TTN: variants seen among roughly 807,000 people sequenced by gnomAD.
TTN encodes the protein titin.
TTN carries 1,525 observed loss-of-function variants against 3,223.0 expected under a neutral mutation model. That is an observed-to-expected ratio of 0.47 (90% confidence interval 0.45 to 0.49). TTN has a LOEUF of 0.49. Ranked by LOEUF, TTN falls within the 20% of genes least tolerant of loss-of-function variation. The pLI is 0.00. For missense variants in TTN, 40,786 were observed against 43,424.0 expected, an observed-to-expected ratio of 0.94 and a Z score of 5.40; for synonymous variants, 14,094 against 15,161.0, an observed-to-expected ratio of 0.93 and a Z score of 5.17.
rs2067758061 is a variant in TTN, at chr2:178,675,120, A to G, written c.34538-7T>C. ...TTCTTAGGCACCTCAGGAACTTGAG[A>G]GACATTGATTATTTTAGACACTTAA... On this transcript the variant is annotated splice_region_variant and splice_polypyrimidine_tract_variant and intron_variant, in intron 149 of 362. Coordinates refer to ENST00000589042, the MANE Select transcript of TTN (RefSeq NM_001267550.2). 1.3e-6 allele frequency: 2 copies of G among 1,547,816 alleles called. No individual in the cohort carries two copies. The highest frequency in any genetic ancestry group is 2.8e-5 in the African/African-American group (2 of 70,734).
chr2:178,734,608 T>C lies in TTN; in HGVS notation c.15218-2A>G, dbSNP rs1004898711. Reference sequence around the variant, plus strand: ...GAGTTTTGATGAAAGAAGGAGGTTCTACAAAAGCATGAAAGCATTGTGTAA... The same window carrying C: ...GAGTTTTGATGAAAGAAGGAGGTTCCACAAAAGCATGAAAGCATTGTGTAA... On this transcript the variant is annotated splice_acceptor_variant, in intron 51 of 362. Transcript: ENST00000589042. LOFTEE classifies it high-confidence loss of function. 5 of 1,562,472 alleles carry C rather than the reference T, an allele frequency of 3.2e-6. No individual in the cohort carries two copies. The highest frequency in any genetic ancestry group is 4.3e-6 in the Non-Finnish European group (5 of 1,155,650).
chr2:178,774,662 T>A (rs1195696089), intron 29 of TTN, 189 bp from the exon 30 acceptor site: 1 of 703,578 alleles, frequency 1.4e-6, no homozygotes, highest in East Asian at 2.8e-5. Context: ...AATTTTTAAA[T>A]ATTTTTGAAA....
At chr2:178,795,274 T>C in intron 6 of TTN, 22 bp from the exon 7 acceptor site, 1 of 1,610,670 alleles carries the variant, frequency 6.2e-7, no homozygotes, top group Non-Finnish European at 8.5e-7. Context: ...AAGGCAGAGG[T>C]CAAGAATGTC....
At position 178,526,904 on chromosome 2, in the gene TTN, C is replaced by CA. The variant is rs1686626306; in HGVS notation, c.*107dup. 9.1e-7 allele frequency: 1 copy of CA among 1,102,130 alleles called. No individual in the cohort carries two copies. The highest frequency in any genetic ancestry group is 1.8e-5 in the African/African-American group (1 of 54,066). The allele number at this position is 1,102,130 out of a possible 1,614,324, so 68.3% of individuals were successfully genotyped here. ...GAACTTTGACTCATTTAGGTTGATA[C>CA]AAAACTACTTTTTTTTCTTTAAATA... is the stretch of plus-strand genomic sequence containing the variant. On this transcript the variant is annotated 3_prime_UTR_variant, in exon 363 of 363. Coordinates refer to ENST00000589042, the MANE Select transcript of TTN (RefSeq NM_001267550.2).
In TTN at chr2:178,536,970, A is replaced by T. The variant is rs1461056252; in HGVS notation, c.100139T>A (p.Val33380Glu). 3.1e-6 allele frequency: 5 copies of T among 1,613,236 alleles called. No homozygotes were observed. The highest frequency in any genetic ancestry group is 4.2e-6 in the Non-Finnish European group (5 of 1,179,502). Residue 33380 changes from valine to glutamate, a missense_variant, in exon 356 of 363, where the codon GTG (valine) becomes GAG (glutamate). Val to Glu is a moderately radical substitution (Grantham distance 121, BLOSUM62 -2). Transcript: ENST00000589042. ...NTFGISDPLE[V>E]SSVVIIKSPF... The stretch of plus-strand genomic sequence containing the variant: ...ACTCTTAATGATCACAACTGAGGAC[A>T]CTTCTAGAGGGTCACTGATGCCGAA...
At position 178,685,517 on chromosome 2, in the gene TTN, C is replaced by T. The variant is rs1424314036; in HGVS notation, c.32392+1G>A. 9.9e-6 allele frequency: 16 copies of T among 1,611,454 alleles called. No individual in the cohort carries two copies. Among genetic ancestry groups the T allele is most frequent in the Non-Finnish European group, 1.3e-5 (15 of 1,178,634 alleles). On this transcript the variant is annotated splice_donor_variant, in intron 128 of 362. Transcript: ENST00000589042. LOFTEE classifies it high-confidence loss of function. ...TAAAACTAATTAAAGAGTCAGCATA[C>T]CTTCAGCTGGCTCAGCTTCCACTCT...
At chr2:178,686,969 T>C (rs1010413600) in intron 127 of TTN, among the ~76,000 whole-genome samples, 1 of 152,248 alleles carries the variant, frequency 6.6e-6, no homozygotes, top group East Asian at 1.9e-4. Flanking sequence ...TCCTGACTTA[T>C]GTCCACCATC....
rs758414408 is a variant in TTN, at chr2:178,599,032, A to G, written c.56678T>C (p.Val18893Ala). The change falls in exon 291 of 363, where the codon GTT (valine) becomes GCT (alanine). Residue 18893 changes from valine (V) to alanine (A), a missense_variant. Transcript: ENST00000589042. Reference sequence around the variant, plus strand: ...CATGGAGTTACGAGTCACGCTGCTAACTGTTGGTTTATCTGGTGCTCCAGG... The same window carrying G: ...CATGGAGTTACGAGTCACGCTGCTAGCTGTTGGTTTATCTGGTGCTCCAGG... ...SVPGAPDKPT[V>A]SSVTRNSMTV... 1 of 1,583,748 alleles carries G rather than the reference A, an allele frequency of 6.3e-7. No individual in the cohort carries two copies. Among genetic ancestry groups the G allele is most frequent in the Non-Finnish European group, 8.6e-7 (1 of 1,165,004 alleles).
chr2:178,547,220 A>G lies in TTN; in HGVS notation c.94305T>C (p.Asp31435=). Residue 31435 remains aspartate, a synonymous_variant, in exon 340 of 363, where the codon GAT becomes GAC. Coordinates refer to ENST00000589042, the MANE Select transcript of TTN (RefSeq NM_001267550.2). ...AGTAGCCAATGATTTTACTGCCACCATCGTGGTAGGGTTCTTCCCAACGAA... is the reference window on the plus strand; with the variant it reads ...AGTAGCCAATGATTTTACTGCCACCGTCGTGGTAGGGTTCTTCCCAACGAA... ...MSIRWEEPYH[D]GGSKIIGYWV... is the part of the protein sequence containing the mutation. 6.2e-7 allele frequency: 1 copy of G among 1,613,834 alleles called. No homozygotes were observed. The highest frequency in any genetic ancestry group is 8.5e-7 in the Non-Finnish European group (1 of 1,179,766).
rs1422071853 is a variant in TTN at position 178,618,311 on chromosome 2, A to AACTC, written c.47143_47146dup (p.Phe15716Ter). 1 of 1,612,692 alleles carries AACTC rather than the reference A, an allele frequency of 6.2e-7. No homozygotes were observed. The highest frequency in any genetic ancestry group is 8.5e-7 in the Non-Finnish European group (1 of 1,179,154). On this transcript the variant is annotated stop_gained and frameshift_variant, in exon 252 of 363. Transcript: ENST00000589042. LOFTEE classifies it high-confidence loss of function. ...TCCTTTCTGTAGACCAGTGACAGTA[A>AACTC]ACTCACAACTCTCTGCACGGTCTGT... is the stretch of plus-strand genomic sequence containing the variant.
intron 281 of TTN, 48 bp downstream of exon 281, chr2:178,604,660 G>C (rs2154195117): frequency 6.6e-7 from 1 of 1,513,504 alleles, no homozygotes; most frequent in Non-Finnish European, 8.9e-7. Context: ...CATCAAACCA[G>C]AGTCATGTAC....
At position 178,693,940 on chromosome 2, in the gene TTN, C is replaced by G; in HGVS notation, c.31495G>C (p.Glu10499Gln). The G allele has an allele frequency of 1.2e-6, 2 of 1,613,088 alleles. No homozygotes were observed. The highest frequency in any genetic ancestry group is 1.7e-6 in the Non-Finnish European group (2 of 1,179,368). ...EKMFFASHTEEEVSVTVPEVQ... is the reference protein window; with the variant it reads ...EKMFFASHTEQEVSVTVPEVQ... ...CTTATACCTGTGACTGACACCTCCT[C>G]CTCTGTGTGAGAAGCAAAGAACATC... The change falls in exon 118 of 363, where the codon GAG (glutamate) becomes CAG (glutamine). Residue 10499 changes from glutamate (E) to glutamine (Q), a missense_variant. Coordinates refer to ENST00000589042, the MANE Select transcript of TTN (RefSeq NM_001267550.2).
rs775853884 is a variant in TTN, at chr2:178,553,734, C to T, written c.89271G>A (p.Lys29757=). The T allele has an allele frequency of 5.0e-6, 8 of 1,613,416 alleles. No homozygotes were observed. The highest frequency in any genetic ancestry group is 6.8e-6 in the Non-Finnish European group (8 of 1,179,590). The change falls in exon 334 of 363, where the codon AAG becomes AAA. Residue 29757 remains lysine, a synonymous_variant. Transcript: ENST00000589042. ...CAGCACTGCCCCCATCATAGACAGGCTTACTCCAGCCAAGGGTGATGGATG... is the reference window on the plus strand; with the variant it reads ...CAGCACTGCCCCCATCATAGACAGGTTTACTCCAGCCAAGGGTGATGGATG... ...TKSSITLGWS[K]PVYDGGSAVT...
Position 178,711,085 on chromosome 2 carries a change from G to A in TTN, c.28151C>T (p.Ser9384Phe), listed in dbSNP as rs760466007. Residue 9384 changes from serine to phenylalanine, a missense_variant, in exon 97 of 363, where the codon TCC becomes TTC. Coordinates refer to ENST00000589042, the MANE Select transcript of TTN (RefSeq NM_001267550.2). ...ACCTGTGAGAATGAGCCTGGCACTG[G>A]AAGAAGCAGAGCCTATAGGGTTTGT... ...TATNPIGSAS[S>F]SARLILTEGK... is the part of the protein sequence containing the mutation. The A allele has an allele frequency of 6.3e-7, 1 of 1,597,394 alleles. No homozygotes were observed. The highest frequency in any genetic ancestry group is 1.7e-5 in the Admixed American group (1 of 57,566).
At position 178,631,241 on chromosome 2, in the gene TTN, C is replaced by T. The variant is rs2154220273; in HGVS notation, c.43807G>A (p.Val14603Ile). 1.2e-6 allele frequency: 2 copies of T among 1,612,474 alleles called. No individual in the cohort carries two copies. Among genetic ancestry groups the T allele is most frequent in the East Asian group, 4.5e-5 (2 of 44,614 alleles). The change falls in exon 237 of 363, where the codon GTT (valine) becomes ATT (isoleucine). Residue 14603 changes from valine to isoleucine, a missense_variant. Coordinates refer to ENST00000589042, the MANE Select transcript of TTN (RefSeq NM_001267550.2). Reference sequence around the variant, plus strand: ...TTGCTAATTTCACACTGTAGAATAACTTCATCTTTCTCTACACCAGTATAA... The same window carrying T: ...TTGCTAATTTCACACTGTAGAATAATTTCATCTTTCTCTACACCAGTATAA... ...QDYTGVEKDEVILQCEISKAD... is the reference protein window; with the variant it reads ...QDYTGVEKDEIILQCEISKAD...
In TTN at chr2:178,601,029, C is replaced by T. The variant is rs267599045; in HGVS notation, c.55875G>A (p.Gly18625=). 3 of 1,612,982 alleles carry T rather than the reference C, an allele frequency of 1.9e-6. No individual in the cohort carries two copies. The highest frequency in any genetic ancestry group is 1.7e-5 in the Admixed American group (1 of 59,950). Residue 18625 remains glycine, a synonymous_variant, in exon 288 of 363, where the codon GGG becomes GGA. Transcript: ENST00000589042. ...IVECLAWDPT[G]TKKEAWRQCN... is the part of the protein sequence containing the mutation. ...ACTGCCTCCAGGCTTCTTTCTTTGT[C>T]CCAGTAGGGTCCCATGCAAGGCACT...
intron 208 of TTN, 28 bp downstream of exon 208, chr2:178,651,215 T>G: frequency 1.3e-6 from 2 of 1,591,294 alleles, no homozygotes; most frequent in Non-Finnish European, 1.7e-6. Flanking sequence ...TGAGTGCTTT[T>G]CTGCAGAATC....
Position 178,773,911 on chromosome 2 carries a change from C to T in TTN, c.7257G>A (p.Lys2419=). ...SHMLLIEDMT[K]EDAGNYSFTI... The stretch of plus-strand genomic sequence containing the variant: ...TGAAAGAGTAATTTCCAGCATCTTC[C>T]TTAGTCATGTCTTCAATGAGCAGCA... The change falls in exon 31 of 363, where the codon AAG becomes AAA. Residue 2419 remains lysine, a synonymous_variant. Coordinates refer to ENST00000589042, the MANE Select transcript of TTN (RefSeq NM_001267550.2). The T allele has an allele frequency of 6.2e-7, 1 of 1,614,070 alleles. No individual in the cohort carries two copies. The highest frequency in any genetic ancestry group is 8.5e-7 in the Non-Finnish European group (1 of 1,179,980).
Position 178,588,177 on chromosome 2 carries a change from G to T in TTN, c.63230C>A (p.Thr21077Asn). Residue 21077 changes from threonine (T) to asparagine (N), a missense_variant, in exon 305 of 363, where the codon ACC becomes AAC. Transcript: ENST00000589042. The stretch of plus-strand genomic sequence containing the variant: ...CCACCCAAGAGTTATGGAATGTTTG[G>T]TTGTATCAACCACTCTGAAATTGGT... ...PPTNFRVVDT[T>N]KHSITLGWGK... 6.3e-7 allele frequency: 1 copy of T among 1,599,694 alleles called. No homozygotes were observed. The highest frequency in any genetic ancestry group is 8.5e-7 in the Non-Finnish European group (1 of 1,169,662).
Sources: allele counts gnomAD v4.1 joint callset (sites outside exome capture counted in the v4.1 genomes callset), GRCh38; gene constraint gnomAD v4.1.1; transcripts MANE v1.5; gene names NCBI Gene and HGNC (gene_info 2026-07-23, HGNC 2026-07-21).